Variants in SP3 observed in about 807,000 individuals in gnomAD.
The protein encoded by SP3 is Sp3 transcription factor.
A neutral mutation model predicts 70.3 loss-of-function variants in SP3; 10 were observed. The observed-to-expected ratio is 0.14, with a 90% CI of 0.09 to 0.24. The LOEUF is 0.24. Ranked by LOEUF, SP3 falls within the 10% of genes least tolerant of loss-of-function variation. The pLI, the probability that SP3 is intolerant of heterozygous loss-of-function variation, is 1.00. For synonymous variants in SP3, 402 were observed against 333.5 expected (o/e 1.21, Z -2.24); for missense variants, 825 against 914.6 (o/e 0.90, Z 1.26).
chr2:173,924,103 T>C (rs959700260), intron 4 of SP3, among the ~76,000 whole-genome samples: 3 of 152,142 alleles, frequency 2.0e-5, no homozygotes, highest in Admixed American at 6.5e-5. Context: ...TTTAAAAATA[T>C]AGATGGATGG....
intron 4 of SP3, among the ~76,000 whole-genome samples, chr2:173,924,539 C>T (rs911721338): frequency 1.2e-4 from 18 of 152,164 alleles, no homozygotes; most frequent in Non-Finnish European, 2.2e-4. Flanking sequence ...GAGCACTATT[C>T]TAAGTGTTTA....
chr2:173,961,196 C>T (rs906907914), intron 3 of SP3, among the ~76,000 whole-genome samples: 3 of 152,138 alleles, frequency 2.0e-5, no homozygotes, highest in African/African-American at 4.8e-5. Context: ...CCATGTTGTA[C>T]GACATTATAT....
chr2:173,959,088 G>A (rs902205517), intron 3 of SP3, among the ~76,000 whole-genome samples: 2 of 152,062 alleles, frequency 1.3e-5, no homozygotes, highest in African/African-American at 4.8e-5. Context: ...TAAAATCATT[G>A]CAAACACAAT....
At position 173,933,638 on chromosome 2, in the gene SP3, T is replaced by TCATATATATA. The variant is rs71405167; in HGVS notation, c.1640-14854_1640-14853insTATATATATG. Among the ~76,000 whole-genome samples, 7 of 86,556 alleles carry TCATATATATA rather than the reference T, an allele frequency of 8.1e-5. No individual in the cohort carries two copies. The East Asian group carries it at 1.9e-3, about 24-fold the overall frequency. 56.8% of individuals were successfully genotyped at this position (86,556 alleles called of 152,430 possible). On this transcript the variant is annotated intron_variant, in intron 4 of 6. Transcript: ENST00000310015. ...ACAAATGACTAACATTTATAAAACT[T>TCATATATATA]TATATATATATATATATATATATAT...
At position 173,901,552 on chromosome 2, in the gene SP3, C is replaced by T. The variant is rs750708159; in HGVS notation, c.*8389G>A. Among the ~76,000 whole-genome samples, 29 of 152,036 alleles carry T rather than the reference C, an allele frequency of 1.9e-4. No individual in the cohort carries two copies. The highest frequency in any genetic ancestry group is 1.0e-3 in the Admixed American group (16 of 15,270). On this transcript the variant is annotated 3_prime_UTR_variant, in exon 7 of 7. Transcript: ENST00000310015. ...TGGATTATGAACTTGTAAAAATATG[C>T]TCAACCTCACCAGAATATAGAAAAA... is the stretch of plus-strand genomic sequence containing the variant.
At chr2:173,944,211 A>G (rs1474472609) in intron 4 of SP3, among the ~76,000 whole-genome samples, 1 of 152,200 alleles carries the variant, frequency 6.6e-6, no homozygotes, top group Non-Finnish European at 1.5e-5. Context: ...ATTTATGAAA[A>G]CAACGTCACA....
At chr2:173,921,383 G>A (rs1689749195) in intron 4 of SP3, among the ~76,000 whole-genome samples, 2 of 152,192 alleles carry the variant, frequency 1.3e-5, no homozygotes, top group African/African-American at 4.8e-5. Context: ...GGATAAGGCA[G>A]TTAGCAAGTT....
At chr2:173,932,358 A>G (rs1690089350) in intron 4 of SP3, among the ~76,000 whole-genome samples, 1 of 152,048 alleles carries the variant, frequency 6.6e-6, no homozygotes, top group Non-Finnish European at 1.5e-5. Flanking sequence ...CGCCCGGCTA[A>G]TTTTTGTATT....
chr2:173,952,610 G>A (rs1408492665), intron 4 of SP3, among the ~76,000 whole-genome samples: 1 of 152,090 alleles, frequency 6.6e-6, no homozygotes, highest in Non-Finnish European at 1.5e-5. Context: ...CTACACAAAT[G>A]TTCACAGCAG....
intron 4 of SP3, among the ~76,000 whole-genome samples, chr2:173,954,097 C>T (rs867550202): frequency 3.9e-5 from 6 of 152,244 alleles, no homozygotes; most frequent in Middle Eastern, 3.4e-3. Context: ...AAATACAAAA[C>T]AGAATTAAAG....
chr2:173,937,490 C>A (rs1053251244), intron 4 of SP3, among the ~76,000 whole-genome samples: 7 of 151,998 alleles, frequency 4.6e-5, no homozygotes, highest in Non-Finnish European at 8.8e-5. Context: ...TTACTATGAA[C>A]AAAGCTTACT....
chr2:173,962,952 A>G (rs1195864196), intron 3 of SP3: 1 of 152,252 alleles, frequency 6.6e-6, no homozygotes, highest in African/African-American at 2.4e-5. Flanking sequence ...CACTACAGAA[A>G]GAATCCCACC....
intron 5 of SP3, chr2:173,913,625 T>C (rs959017480): frequency 7.1e-5 from 11 of 155,698 alleles, no homozygotes; most frequent in Admixed American, 3.9e-4. Flanking sequence ...CTTAATTATA[T>C]AGGAAACTAA....
rs572975392 is a variant in SP3, at chr2:173,903,744, G to A, written c.*6197C>T. Reference sequence around the variant, plus strand: ...AGATAAAGATACAGCCATCTGTTAAGAGGGCGTCCTGAAACTGTAGAGGGA... The same window carrying A: ...AGATAAAGATACAGCCATCTGTTAAAAGGGCGTCCTGAAACTGTAGAGGGA... On this transcript the variant is annotated 3_prime_UTR_variant, in exon 7 of 7. Transcript: ENST00000310015. Among the ~76,000 whole-genome samples, 1 of 152,280 alleles carries A rather than the reference G, an allele frequency of 6.6e-6. No individual in the cohort carries two copies. The highest frequency in any genetic ancestry group is 6.5e-5 in the Admixed American group (1 of 15,294).
chr2:173,908,724 G>A lies in SP3; in HGVS notation c.*1217C>T, dbSNP rs558573628. 6.6e-6 allele frequency: 1 copy of A among 152,274 alleles called. No individual in the cohort carries two copies. Among genetic ancestry groups the A allele is most frequent in the East Asian group, 1.9e-4 (1 of 5,186 alleles). 9.4% of individuals were successfully genotyped at this position (152,274 alleles called of 1,614,324 possible). A position where few individuals can be genotyped will look rare whatever the true frequency, so the allele number is the denominator to read the frequency against. On this transcript the variant is annotated 3_prime_UTR_variant, in exon 7 of 7. Coordinates refer to ENST00000310015, the MANE Select transcript of SP3 (RefSeq NM_003111.5). ...AAACTGTATAGCTCTTACAAGACCAGCAATGTAACTTTATTTTGTACATTT... is the reference window on the plus strand; with the variant it reads ...AAACTGTATAGCTCTTACAAGACCAACAATGTAACTTTATTTTGTACATTT...
intron 3 of SP3, chr2:173,963,282 C>G (rs1456577599): frequency 6.6e-6 from 1 of 152,094 alleles, no homozygotes; most frequent in African/African-American, 2.4e-5. Context: ...AAGGGTAATT[C>G]AAAGAATAAA....
intron 4 of SP3, among the ~76,000 whole-genome samples, chr2:173,921,259 A>C (rs796846437): frequency 1.1e-4 from 17 of 152,366 alleles, no homozygotes; most frequent in African/African-American, 4.1e-4. Context: ...TACAAATAAT[A>C]AAATGAGTGT....
At chr2:173,963,424 G>A (rs1393400372) in intron 3 of SP3, 1 of 152,386 alleles carries the variant, frequency 6.6e-6, no homozygotes, top group Non-Finnish European at 1.5e-5. Flanking sequence ...TGGCCGATAG[G>A]CTGTGCTTGA....
intron 4 of SP3, among the ~76,000 whole-genome samples, chr2:173,941,103 T>C (rs1690359478): frequency 6.7e-6 from 1 of 149,732 alleles, no homozygotes; most frequent in African/African-American, 2.5e-5. Context: ...CTACCACCTA[T>C]TTCAATGTTG....
Sources: gnomAD v4.1 joint callset for allele counts (sites outside exome capture counted in the v4.1 genomes callset) on GRCh38, gnomAD v4.1.1 for gene constraint, MANE v1.5 for transcripts, NCBI Gene and HGNC (gene_info 2026-07-23, HGNC 2026-07-21) for gene names.